Variants in C10orf143 observed in about 807,000 individuals in gnomAD.
C10orf143 encodes uncharacterized protein C10orf143.
chr10:130,042,791 A>G (rs946873049), intron 3 of C10orf143, among the ~76,000 whole-genome samples: 1 of 152,246 alleles, frequency 6.6e-6, no homozygotes, highest in African/African-American at 2.4e-5. Context: ...CAAGTAGGGA[A>G]AGCAACGCTT....
chr10:130,077,287 A>G (rs1861133864), intron 3 of C10orf143, among the ~76,000 whole-genome samples: 1 of 152,164 alleles, frequency 6.6e-6, no homozygotes, highest in Non-Finnish European at 1.5e-5. Context: ...TCATAAACAT[A>G]AGGAAAAGCT....
intron 1 of C10orf143, chr10:130,108,353 C>T (rs1564973911): frequency 7.7e-6 from 10 of 1,300,728 alleles, no homozygotes; most frequent in Admixed American, 1.7e-5. Flanking sequence ...ATTTTTCCCC[C>T]GACCCCCACA....
chr10:130,046,243 G>A (rs1335263336), intron 3 of C10orf143, among the ~76,000 whole-genome samples: 1 of 151,982 alleles, frequency 6.6e-6, no homozygotes, highest in Non-Finnish European at 1.5e-5. Context: ...GGCTCGGCGT[G>A]GGACACGAGG....
intron 3 of C10orf143, among the ~76,000 whole-genome samples, chr10:130,073,002 A>G (rs1405279281): frequency 6.6e-6 from 1 of 152,216 alleles, no homozygotes; most frequent in Non-Finnish European, 1.5e-5. Context: ...CAATAAAATG[A>G]GTTGTGCCCG....
chr10:130,099,480 G>C (rs1861512550), intron 1 of C10orf143, among the ~76,000 whole-genome samples: 1 of 151,948 alleles, frequency 6.6e-6, no homozygotes, highest in Non-Finnish European at 1.5e-5. Flanking sequence ...GTAAAACAAA[G>C]ATATTTAACT....
At chr10:130,058,471 A>G (rs1353016258) in intron 3 of C10orf143, among the ~76,000 whole-genome samples, 3 of 152,168 alleles carry the variant, frequency 2.0e-5, no homozygotes, top group African/African-American at 7.2e-5. Context: ...TCCTGAGGAC[A>G]GCCACACAAA....
intron 1 of C10orf143, chr10:130,106,660 G>C: frequency 8.1e-7 from 1 of 1,242,226 alleles, no homozygotes; most frequent in Admixed American, 1.7e-5. Flanking sequence ...AACAACTGAA[G>C]ATAGCAATAA....
At chr10:130,084,601 A>T (rs770743369) in intron 1 of C10orf143, among the ~76,000 whole-genome samples, 5 of 152,012 alleles carry the variant, frequency 3.3e-5, no homozygotes, top group Non-Finnish European at 7.4e-5. Flanking sequence ...AGACAGAGAT[A>T]TAGAAATATA....
At chr10:130,062,126 C>T (rs532841432), downstream of C10orf143, among the ~76,000 whole-genome samples, 2 of 152,282 alleles carry the variant, frequency 1.3e-5, no homozygotes, top group East Asian at 3.9e-4. Flanking sequence ...TATTTCATGG[C>T]CTGTACTAAA....
intron 3 of C10orf143, among the ~76,000 whole-genome samples, chr10:130,053,983 C>T (rs181791050): frequency 2.6e-5 from 4 of 152,274 alleles, no homozygotes; most frequent in East Asian, 3.9e-4. Flanking sequence ...CAAGTGCCAC[C>T]GTGGGTCATG....
intron 1 of C10orf143, chr10:130,106,953 T>C (rs759229790): frequency 3.0e-6 from 3 of 1,000,238 alleles, no homozygotes; most frequent in Non-Finnish European, 4.8e-6. Context: ...GGTGCTTACT[T>C]AGATGATCCT....
intron 1 of C10orf143, among the ~76,000 whole-genome samples, chr10:130,109,714 G>A (rs796654679): frequency 1.3e-5 from 2 of 152,254 alleles, no homozygotes; most frequent in African/African-American, 4.8e-5. Flanking sequence ...CGGCCAGGCA[G>A]TGAGTAGTGA....
At chr10:130,073,913 T>G (rs753809282) in intron 3 of C10orf143, among the ~76,000 whole-genome samples, 2 of 152,192 alleles carry the variant, frequency 1.3e-5, no homozygotes, top group Non-Finnish European at 2.9e-5. Context: ...CCATCTATTC[T>G]GGGATTCGTA....
rs550959151 is a variant in C10orf143 at position 130,057,194 on chromosome 10, AT to A, written c.298-21225del. The stretch of plus-strand genomic sequence containing the variant: ...GGTGTGAGCTACCACATCTGGCTGA[AT>A]TTTTAATTTTTCATGGTGGTAAGAT... On this transcript the variant is annotated intron_variant and NMD_transcript_variant, in intron 3 of 5. Transcript: ENST00000643056. Among the ~76,000 whole-genome samples, 5 of 152,128 alleles carry A rather than the reference AT, an allele frequency of 3.3e-5. No homozygotes were observed. The South Asian group carries it at 1.0e-3, about 32-fold the overall frequency.
intron 3 of C10orf143, among the ~76,000 whole-genome samples, chr10:130,069,370 C>T (rs1326814178): frequency 6.6e-6 from 1 of 152,174 alleles, no homozygotes; most frequent in Non-Finnish European, 1.5e-5. Flanking sequence ...GAAATTAAGA[C>T]ATCCCCAGAT....
At chr10:130,039,402 A>G (rs895262827) in intron 3 of C10orf143, among the ~76,000 whole-genome samples, 4 of 152,036 alleles carry the variant, frequency 2.6e-5, no homozygotes, top group African/African-American at 9.7e-5. Flanking sequence ...GAGTCTGAAG[A>G]CTGGAAAACC....
chr10:130,087,532 C>G (rs534560352), intron 1 of C10orf143, among the ~76,000 whole-genome samples: 1 of 152,256 alleles, frequency 6.6e-6, no homozygotes, highest in South Asian at 2.1e-4. Flanking sequence ...TAGAAACACA[C>G]GAAGCTGCCA....
At chr10:130,084,044 C>T (rs534213337) in intron 1 of C10orf143, among the ~76,000 whole-genome samples, 123 of 152,290 alleles carry the variant, frequency 8.1e-4, no homozygotes, top group African/African-American at 2.7e-3. Context: ...GGCATGGTGG[C>T]TCATGCCTGC....
intron 1 of C10orf143, chr10:130,106,426 G>A: frequency 6.2e-7 from 1 of 1,602,808 alleles, no homozygotes; most frequent in South Asian, 1.1e-5. Flanking sequence ...CACGAAGTTT[G>A]GAGGCAACCT....
Sources: allele counts gnomAD v4.1 joint callset (sites outside exome capture counted in the v4.1 genomes callset), GRCh38; gene constraint gnomAD v4.1.1; transcripts MANE v1.5; gene names NCBI Gene and HGNC (gene_info 2026-07-23, HGNC 2026-07-21).